Variants in STK39 observed in about 807,000 individuals in gnomAD.
STK39 encodes the protein STE20/SPS1-related proline-alanine-rich protein kinase.
A neutral mutation model predicts 77.8 loss-of-function variants in STK39; 20 were observed. The ratio of observed to expected loss-of-function variants is 0.26; its 90% confidence interval spans 0.18 to 0.37. The LOEUF is 0.37. Ranked by LOEUF, STK39 falls within the 10% of genes least tolerant of loss-of-function variation. The pLI is 1.00. For synonymous variants in STK39, 246 were observed against 234.1 expected, an observed-to-expected ratio of 1.05 and a Z score of -0.47; for missense variants, 479 against 656.5, an observed-to-expected ratio of 0.73 and a Z score of 2.95.
chr2:168,013,996 A>G (rs1344986200), intron 15 of STK39, among the ~76,000 whole-genome samples: 1 of 151,826 alleles, frequency 6.6e-6, no homozygotes, highest in East Asian at 1.9e-4. Flanking sequence ...GATCATTTGA[A>G]ACACACCTTA....
At chr2:168,044,976 G>A (rs916630637) in intron 14 of STK39, among the ~76,000 whole-genome samples, 4 of 152,012 alleles carry the variant, frequency 2.6e-5, no homozygotes, top group African/African-American at 9.7e-5. Context: ...TGATAACAGA[G>A]AAGAGAAAGA....
intron 16 of STK39, among the ~76,000 whole-genome samples, chr2:167,985,404 GT>G (rs1301854495): frequency 6.6e-6 from 1 of 152,194 alleles, no homozygotes; most frequent in East Asian, 1.9e-4. Flanking sequence ...AAAGCAGCTT[GT>G]AATATGTCCT....
rs369450508 is a variant in STK39 at position 168,169,415 on chromosome 2, TAA to T, written c.322-2010_322-2009del. ...ATGTCTCTTAAATGCAGCTGCACTCTAAATGTAAGTGAATGCTTTTCTAGTGC... is the reference window on the plus strand; with the variant it reads ...ATGTCTCTTAAATGCAGCTGCACTCTATGTAAGTGAATGCTTTTCTAGTGC... On this transcript the variant is annotated intron_variant, in intron 2 of 17. Coordinates refer to ENST00000355999, the MANE Select transcript of STK39 (RefSeq NM_013233.3). Among the ~76,000 whole-genome samples, 550 of 152,350 alleles carry T rather than the reference TAA, an allele frequency of 3.6e-3. 3 individuals carry two copies. Among genetic ancestry groups the T allele is most frequent in the African/African-American group, 0.013 (524 of 41,578 alleles).
At chr2:167,965,885 C>A (rs1692145177) in intron 16 of STK39, among the ~76,000 whole-genome samples, 2 of 152,150 alleles carry the variant, frequency 1.3e-5, no homozygotes, top group African/African-American at 4.8e-5. Flanking sequence ...CTAAGGTCGA[C>A]TGACAACAAC....
chr2:168,021,784 A>T lies in STK39; in HGVS notation c.1377-4689T>A, dbSNP rs531026557. Among the ~76,000 whole-genome samples, 35 of 142,672 alleles carry T rather than the reference A, an allele frequency of 2.5e-4. No individual in the cohort carries two copies. In the East Asian group the frequency reaches 2.5e-3, roughly 10 times the overall value. The allele number at this position is 142,672 out of a possible 152,430, so 93.6% of individuals were successfully genotyped here. A position where few individuals can be genotyped will look rare whatever the true frequency, so the allele number is the denominator to read the frequency against. On this transcript the variant is annotated intron_variant, in intron 14 of 17. Transcript: ENST00000355999. ...AATACATACAGAACTCAGAAAGGACATTTATTTTTTTTTTAAGTAGGTGAT... is the reference window on the plus strand; with the variant it reads ...AATACATACAGAACTCAGAAAGGACTTTTATTTTTTTTTTAAGTAGGTGAT...
chr2:168,012,791 C>T, intron 15 of STK39, 89 bp from the exon 16 acceptor site: 1 of 1,044,320 alleles, frequency 9.6e-7, no homozygotes, highest in Non-Finnish European at 1.3e-6. Flanking sequence ...TTTTCATTTA[C>T]TAAAATCGCC....
At chr2:168,085,366 G>A (rs934869243) in intron 10 of STK39, among the ~76,000 whole-genome samples, 4 of 152,208 alleles carry the variant, frequency 2.6e-5, no homozygotes, top group Admixed American at 1.3e-4. Flanking sequence ...GAACTCCCAT[G>A]GACCTGTGTG....
intron 16 of STK39, among the ~76,000 whole-genome samples, chr2:167,975,775 T>C (rs1231037680): frequency 6.6e-6 from 1 of 152,206 alleles, no homozygotes; most frequent in Non-Finnish European, 1.5e-5. Flanking sequence ...GCTGGCATTA[T>C]TGGTGGCTGG....
intron 5 of STK39, among the ~76,000 whole-genome samples, chr2:168,155,544 C>T (rs1314542411): frequency 2.0e-5 from 3 of 151,918 alleles, no homozygotes; most frequent in East Asian, 1.9e-4. Flanking sequence ...TATTTCGGTT[C>T]ACTATAAAGC....
At chr2:168,069,398 T>G (rs1308662243) in intron 12 of STK39, among the ~76,000 whole-genome samples, 1 of 152,206 alleles carries the variant, frequency 6.6e-6, no homozygotes, top group Non-Finnish European at 1.5e-5. Context: ...ACAGAAATAT[T>G]TCCATAATTA....
intron 10 of STK39, among the ~76,000 whole-genome samples, chr2:168,100,229 C>T (rs1424542049): frequency 6.6e-6 from 1 of 152,074 alleles, no homozygotes; most frequent in Non-Finnish European, 1.5e-5. Flanking sequence ...CAAAGGAAGG[C>T]CAATCAAAGT....
In STK39 at chr2:167,956,382, C is replaced by T. The variant is rs139049358; in HGVS notation, c.1564-812G>A. 1.9e-3 allele frequency among the ~76,000 whole-genome samples: 287 copies of T among 152,172 alleles called. 1 individual carries two copies. Among genetic ancestry groups the T allele is most frequent in the African/African-American group, 6.6e-3 (274 of 41,510 alleles). ...GACCATCCTGGCCAACATGGTGAAA[C>T]CCCGTCTCTACTAAAATACAAAAAA... On this transcript the variant is annotated intron_variant, in intron 17 of 17. Coordinates refer to ENST00000355999, the MANE Select transcript of STK39 (RefSeq NM_013233.3).
chr2:168,032,921 C>G (rs565802693), intron 14 of STK39, among the ~76,000 whole-genome samples: 1 of 152,146 alleles, frequency 6.6e-6, no homozygotes, highest in Non-Finnish European at 1.5e-5. Flanking sequence ...AAGAAGAAGT[C>G]GAGTTGCTGA....
At chr2:168,042,237 A>C (rs945033141) in intron 14 of STK39, among the ~76,000 whole-genome samples, 1 of 152,204 alleles carries the variant, frequency 6.6e-6, no homozygotes, top group Non-Finnish European at 1.5e-5. Context: ...AGTCACCTTA[A>C]ATCTTCTCTG....
chr2:168,148,012 T>G (rs1026625815), intron 5 of STK39, among the ~76,000 whole-genome samples: 2 of 152,204 alleles, frequency 1.3e-5, no homozygotes, highest in African/African-American at 4.8e-5. Context: ...GTCAAAATCC[T>G]TCTCCCTCCA....
At chr2:168,233,422 A>G (rs1327370423) in intron 1 of STK39, among the ~76,000 whole-genome samples, 1 of 152,090 alleles carries the variant, frequency 6.6e-6, no homozygotes, top group South Asian at 2.1e-4. Context: ...AAACCCACTT[A>G]ATCTCCCTAC....
chr2:168,103,165 G>T (rs1686880916), intron 10 of STK39, among the ~76,000 whole-genome samples: 1 of 152,002 alleles, frequency 6.6e-6, no homozygotes, highest in Non-Finnish European at 1.5e-5. Flanking sequence ...CAAGCATTCT[G>T]GACTGCTGAT....
Position 168,022,497 on chromosome 2 carries a change from T to C in STK39, c.1377-5402A>G, listed in dbSNP as rs187878028. 1.7e-3 allele frequency among the ~76,000 whole-genome samples: 265 copies of C among 152,316 alleles called. 2 individuals are homozygous for C. Among genetic ancestry groups the C allele is most frequent in the Middle Eastern group, 0.01 (3 of 294 alleles). On this transcript the variant is annotated intron_variant, in intron 14 of 17. Transcript: ENST00000355999. Reference sequence around the variant, plus strand: ...AAGGGGACAACCACTATTCAGTGCCTGCAGGTTATGGCCAGACAGGATTGG... The same window carrying C: ...AAGGGGACAACCACTATTCAGTGCCCGCAGGTTATGGCCAGACAGGATTGG...
intron 10 of STK39, among the ~76,000 whole-genome samples, chr2:168,099,858 A>C (rs993127200): frequency 6.6e-6 from 1 of 152,188 alleles, no homozygotes; most frequent in African/African-American, 2.4e-5. Context: ...ATTTCACTTC[A>C]TAGCAACAAT....
Sources: allele counts gnomAD v4.1 joint callset (sites outside exome capture counted in the v4.1 genomes callset), GRCh38; gene constraint gnomAD v4.1.1; transcripts MANE v1.5; gene names NCBI Gene and HGNC (gene_info 2026-07-23, HGNC 2026-07-21).